The following ABCC1 variants were observed in gnomAD, a reference collection of about 807,000 sequenced individuals.
The protein encoded by ABCC1 is multidrug resistance-associated protein 1.
ABCC1 carries 83 observed loss-of-function variants against 172.9 expected under a neutral mutation model. The ratio of observed to expected loss-of-function variants is 0.48; its 90% CI spans 0.40 to 0.58. The LOEUF (loss-of-function observed/expected upper bound fraction) is 0.58. Among genes scored for constraint, ABCC1 ranks in the 20% least tolerant of loss-of-function variants. The pLI is 0.00. For missense variants in ABCC1, 1,817 were observed against 2,002.7 expected (o/e 0.91, Z 1.77); for synonymous variants, 937 against 825.2 (o/e 1.14, Z -2.32).
intron 29 of ABCC1, 33 bp from the exon 30 acceptor site, chr16:16,138,331 A>G (rs2045993051): frequency 6.4e-7 from 1 of 1,553,618 alleles, no homozygotes; most frequent in Non-Finnish European, 8.8e-7. Flanking sequence ...GTTTGACCCA[A>G]CACTATCTCC....
In ABCC1 at chr16:16,124,786, C is replaced by A. The variant is rs1175199899; in HGVS notation, c.3591-3C>A. The A allele has an allele frequency of 1.9e-6, 3 of 1,613,962 alleles. No homozygotes were observed. The highest frequency in any genetic ancestry group is 1.3e-5 in the African/African-American group (1 of 74,936). ...GTTTGTCTGCCTGTGTGTCTTGGCGCAGGTGGCTGGCCGTGCGGCTGGAGT... is the reference window on the plus strand; with the variant it reads ...GTTTGTCTGCCTGTGTGTCTTGGCGAAGGTGGCTGGCCGTGCGGCTGGAGT... On this transcript the variant is annotated splice_polypyrimidine_tract_variant and splice_region_variant and intron_variant, in intron 24 of 30. Transcript: ENST00000399410.
At chr16:16,069,164 AAATAAAAATAAATAAAT>A (rs2050230645) in intron 13 of ABCC1, among the ~76,000 whole-genome samples, 1 of 131,266 alleles carries the variant, frequency 7.6e-6, no homozygotes, top group African/African-American at 3.1e-5. Flanking sequence ...AAATAAAATA[AAATAAAAATAAATAAAT>A]AAATAAATAA....
rs1053996693 is a variant in ABCC1 at position 16,035,961 on chromosome 16, A to C, written c.678-511A>C. ...AGACTCTTGTCTCTACAAAAATAAA[A>C]AATAAAAAAAAAATTAGCCAGTCAT... On this transcript the variant is annotated intron_variant, in intron 6 of 30. Coordinates refer to ENST00000399410, the MANE Select transcript of ABCC1 (RefSeq NM_004996.4). Among the ~76,000 whole-genome samples, 17 of 151,712 alleles carry C rather than the reference A, an allele frequency of 1.1e-4. 1 individual carries two copies. Among genetic ancestry groups the C allele is most frequent in the Admixed American group, 9.8e-4 (15 of 15,250 alleles).
At chr16:16,000,855 T>C (rs916528231) in intron 1 of ABCC1, among the ~76,000 whole-genome samples, 18 of 152,012 alleles carry the variant, frequency 1.2e-4, no homozygotes, top group African/African-American at 4.4e-4. Context: ...TTGGGGAGTG[T>C]GGAGGAAGCT....
chr16:15,952,013 G>A (rs907011529), intron 1 of ABCC1, among the ~76,000 whole-genome samples: 4 of 152,272 alleles, frequency 2.6e-5, no homozygotes, highest in South Asian at 2.1e-4. Context: ...TCAAGGTAGC[G>A]TGTCCGAGGC....
chr16:16,045,573 A>ATTCCTT (rs2049172316), intron 8 of ABCC1, among the ~76,000 whole-genome samples: 1 of 151,860 alleles, frequency 6.6e-6, no homozygotes, highest in African/African-American at 2.4e-5. Context: ...TCCCTATGCA[A>ATTCCTT]TTCCTTTGGG....
chr16:15,972,237 C>T (rs1046106503), intron 1 of ABCC1, among the ~76,000 whole-genome samples: 3 of 152,140 alleles, frequency 2.0e-5, no homozygotes, highest in African/African-American at 7.2e-5. Flanking sequence ...AGCTGTTTTG[C>T]CCCTCAGTCA....
intron 1 of ABCC1, among the ~76,000 whole-genome samples, chr16:15,978,697 C>G (rs1003594940): frequency 1.3e-5 from 2 of 151,958 alleles, no homozygotes; most frequent in Admixed American, 1.3e-4. Flanking sequence ...TTCAGAGTCA[C>G]TAAATACTGG....
chr16:16,034,626 C>T (rs781218684), intron 6 of ABCC1, among the ~76,000 whole-genome samples: 1 of 118,514 alleles, frequency 8.4e-6, no homozygotes, highest in Admixed American at 1.2e-4. Flanking sequence ...CTTGCTCTGT[C>T]ATCCAGGGTG....
chr16:16,090,722 G>A, intron 19 of ABCC1, 134 bp downstream of exon 19: 3 of 975,008 alleles, frequency 3.1e-6, no homozygotes, highest in Non-Finnish European at 4.3e-6. Flanking sequence ...GCTGGATGGA[G>A]CCCCCTAAAG....
intron 5 of ABCC1, among the ~76,000 whole-genome samples, chr16:16,018,347 G>A (rs139549674): frequency 2.1e-4 from 32 of 152,174 alleles, no homozygotes; most frequent in African/African-American, 7.7e-4. Flanking sequence ...TCAGGAGTTC[G>A]AGACCAGCCC....
At chr16:16,123,890 T>G (rs1324307257) in intron 24 of ABCC1, among the ~76,000 whole-genome samples, 3 of 151,752 alleles carry the variant, frequency 2.0e-5, no homozygotes, top group Non-Finnish European at 4.4e-5. Context: ...TGTGGTGGCA[T>G]GGGCCTGTAG....
intron 2 of ABCC1, among the ~76,000 whole-genome samples, chr16:16,008,801 C>T: frequency 6.8e-6 from 1 of 147,564 alleles, no homozygotes; most frequent in Non-Finnish European, 1.5e-5. Context: ...TGAGATAGTG[C>T]CACTGCACTC....
At chr16:16,083,615 G>A in intron 17 of ABCC1, 73 bp downstream of exon 17, 1 of 1,556,164 alleles carries the variant, frequency 6.4e-7, no homozygotes, top group Non-Finnish European at 8.8e-7. Flanking sequence ...CACAATCTCA[G>A]TGGGCTGTGA....
chr16:16,118,859 G>A (rs1427910603), intron 23 of ABCC1, among the ~76,000 whole-genome samples: 2 of 145,106 alleles, frequency 1.4e-5, no homozygotes, highest in Admixed American at 1.4e-4. Context: ...CTCTCACTAG[G>A]CAGTCTCATT....
chr16:16,062,331 C>T (rs979750110), intron 12 of ABCC1, among the ~76,000 whole-genome samples: 4 of 152,118 alleles, frequency 2.6e-5, no homozygotes, highest in African/African-American at 9.7e-5. Flanking sequence ...ACTGGCTTTT[C>T]TTCTCTTTTT....
In ABCC1 at chr16:16,142,703, T is replaced by A. The variant is rs1224665719; in HGVS notation, c.*1422T>A. 1 of 151,886 alleles carries A rather than the reference T, an allele frequency of 6.6e-6. No individual in the cohort carries two copies. Among genetic ancestry groups the A allele is most frequent in the African/African-American group, 2.4e-5 (1 of 41,304 alleles). 9.4% of individuals were successfully genotyped at this position (151,886 alleles called of 1,614,324 possible). A position where few individuals can be genotyped will look rare whatever the true frequency, so the allele number is the denominator to read the frequency against. On this transcript the variant is annotated 3_prime_UTR_variant, in exon 31 of 31. Transcript: ENST00000399410. ...GCTGAGAAGTAACATTCCCAGGAAATAGTGAGAAGCTCGCCCTGTGTTTGA... is the reference window on the plus strand; with the variant it reads ...GCTGAGAAGTAACATTCCCAGGAAAAAGTGAGAAGCTCGCCCTGTGTTTGA...
rs367914331 is a variant in ABCC1 at position 16,106,782 on chromosome 16, A to C, written c.2780A>C (p.His927Pro). Reference protein sequence around the residue: ...SSSYSGDISRHHNSTAELQKA... With the variant: ...SSSYSGDISRPHNSTAELQKA... ...TCCTATAGTGGGGACATCAGCAGGCACCACAACAGCACCGCAGAACTGCAG... is the reference window on the plus strand; with the variant it reads ...TCCTATAGTGGGGACATCAGCAGGCCCCACAACAGCACCGCAGAACTGCAG... Residue 927 changes from histidine (H) to proline (P), a missense_variant, in exon 21 of 31, where the codon CAC becomes CCC. His to Pro is a moderately conservative substitution (Grantham distance 77, BLOSUM62 -2). Around this residue, in one of 3 missense-constraint regions of ABCC1, gnomAD observed 1,412 missense variants for 1,600.3 expected, o/e 0.88. Coordinates refer to ENST00000399410, the MANE Select transcript of ABCC1 (RefSeq NM_004996.4). 6 of 1,614,160 alleles carry C rather than the reference A, an allele frequency of 3.7e-6. No homozygotes were observed. The highest frequency in any genetic ancestry group is 5.1e-6 in the Non-Finnish European group (6 of 1,180,032).
At chr16:16,035,506 C>A (rs200365060) in intron 6 of ABCC1, among the ~76,000 whole-genome samples, 14 of 98,458 alleles carry the variant, frequency 1.4e-4, no homozygotes, top group African/African-American at 5.3e-4. Context: ...TTTTTTTTTT[C>A]TTTTTATAGG....
Sources: gnomAD v4.1 joint callset for allele counts (sites outside exome capture counted in the v4.1 genomes callset) on GRCh38, gnomAD v4.1.1 for gene constraint, gnomAD v4.1.1 regional missense constraint, MANE v1.5 for transcripts, NCBI Gene and HGNC (gene_info 2026-07-23, HGNC 2026-07-21) for gene names.